The following DEPDC5 variants were observed in gnomAD, a reference collection of about 807,000 sequenced individuals.
DEPDC5 encodes GATOR1 complex protein DEPDC5.
In DEPDC5, 73 loss-of-function variants were observed where a neutral mutation model predicts 217.3. The observed-to-expected ratio is 0.34, with a 90% CI of 0.28 to 0.41. The LOEUF (loss-of-function observed/expected upper bound fraction) is 0.41, where lower values mean the gene tolerates loss of function less well. DEPDC5 is among the 10% of genes least tolerant of loss of function. The pLI is 1.00. For missense variants in DEPDC5, 1,675 were observed against 2,070.1 expected, an observed-to-expected ratio of 0.81 and a Z score of 3.70; for synonymous variants, 733 against 756.7, an observed-to-expected ratio of 0.97 and a Z score of 0.51.
At chr22:31,888,190 C>G (rs1256748919) in intron 38 of DEPDC5, among the ~76,000 whole-genome samples, 1 of 149,154 alleles carries the variant, frequency 6.7e-6, no homozygotes. Flanking sequence ...AGCCCTGCAG[C>G]TCTTAGGCCC....
At chr22:31,879,425 T>C in intron 37 of DEPDC5, 100 bp from the exon 38 acceptor site, 1 of 1,141,320 alleles carries the variant, frequency 8.8e-7, no homozygotes, top group Non-Finnish European at 1.3e-6. Flanking sequence ...CGGCTTCTTT[T>C]ACTTAGCGTG....
At chr22:31,895,962 T>C (rs990860830) in intron 39 of DEPDC5, among the ~76,000 whole-genome samples, 2 of 151,644 alleles carry the variant, frequency 1.3e-5, no homozygotes, top group African/African-American at 4.8e-5. Flanking sequence ...CAGGTAAAAC[T>C]AACTCTCTGA....
intron 19 of DEPDC5, 120 bp downstream of exon 19, chr22:31,809,767 G>A (rs2088031505): frequency 6.1e-6 from 6 of 977,416 alleles, no homozygotes; most frequent in East Asian, 2.8e-5. Flanking sequence ...ATCACCTGAG[G>A]TCAGGAGTTC....
intron 37 of DEPDC5, among the ~76,000 whole-genome samples, chr22:31,877,742 TC>T (rs2093041909): frequency 1.2e-5 from 1 of 84,082 alleles, no homozygotes; most frequent in African/African-American, 5.2e-5. Flanking sequence ...AGAGCGAGAC[TC>T]CATCTCAAAA....
At position 31,849,370 on chromosome 22, in the gene DEPDC5, C is replaced by T. The variant is rs545046127; in HGVS notation, c.3155+2403C>T. On this transcript the variant is annotated intron_variant, in intron 31 of 42. Transcript: ENST00000651528. ...TTAATTGACTCACAGTTCAGCATGG[C>T]TGGGGAGGCCTCAGGAAACTTAAAA... Among the ~76,000 whole-genome samples the T allele has an allele frequency of 5.3e-5, 8 of 152,230 alleles. No homozygotes were observed. The South Asian group carries it at 1.0e-3, about 20-fold the overall frequency.
At chr22:31,816,042 G>C (rs894608520) in intron 21 of DEPDC5, 2 of 984,726 alleles carry the variant, frequency 2.0e-6, no homozygotes, top group African/African-American at 3.5e-5. Flanking sequence ...GCTCACACCT[G>C]TAATTCCAGC....
intron 33 of DEPDC5, among the ~76,000 whole-genome samples, chr22:31,865,479 G>A (rs758920114): frequency 6.6e-6 from 1 of 152,114 alleles, no homozygotes; most frequent in Non-Finnish European, 1.5e-5. Context: ...CCGGGCGACA[G>A]AGCAAGACCT....
chr22:31,882,787 CT>C (rs368718940), intron 38 of DEPDC5, among the ~76,000 whole-genome samples: 155 of 151,660 alleles, frequency 1.0e-3, no homozygotes, highest in Non-Finnish European at 1.2e-3. Context: ...CTCCTCTTCT[CT>C]TCTCTTCTTT....
intron 7 of DEPDC5, among the ~76,000 whole-genome samples, chr22:31,774,090 A>AAAACG (rs1271275080): frequency 2.0e-5 from 3 of 152,048 alleles, no homozygotes; most frequent in Non-Finnish European, 4.4e-5. Flanking sequence ...AAAACAAAAC[A>AAAACG]ACAACAACAA....
intron 38 of DEPDC5, among the ~76,000 whole-genome samples, chr22:31,885,739 AAAAG>A (rs1455998171): frequency 1.4e-5 from 2 of 143,454 alleles, no homozygotes; most frequent in Non-Finnish European, 3.0e-5. Context: ...AAAAAAAAAA[AAAAG>A]AGACAGGGTT....
chr22:31,802,067 A>G (rs2086919385), intron 14 of DEPDC5, among the ~76,000 whole-genome samples: 1 of 148,082 alleles, frequency 6.8e-6, no homozygotes. Context: ...ATATAAAATA[A>G]TATAATCAAA....
chr22:31,810,437 A>G (rs2148706456), intron 19 of DEPDC5, 84 bp from the exon 20 acceptor site: 1 of 1,586,824 alleles, frequency 6.3e-7, no homozygotes, highest in South Asian at 1.1e-5. Context: ...TTTGGATGAC[A>G]ATTTATATTA....
intron 7 of DEPDC5, 165 bp from the exon 8 acceptor site, chr22:31,777,934 G>A (rs1459296276): frequency 1.5e-6 from 1 of 668,782 alleles, no homozygotes; most frequent in Non-Finnish European, 2.6e-6. Context: ...TTTTAGTATA[G>A]ATGGGGTTTC....
chr22:31,759,676 CTTTTT>C (rs35291104), intron 3 of DEPDC5, among the ~76,000 whole-genome samples: 1 of 94,964 alleles, frequency 1.1e-5, no homozygotes. Flanking sequence ...CGCGCCCAGC[CTTTTT>C]TTTTTTTTTT....
chr22:31,792,625 A>AC, intron 11 of DEPDC5, 120 bp from the exon 12 acceptor site: 1 of 620,068 alleles, frequency 1.6e-6, no homozygotes, highest in East Asian at 4.7e-5. Context: ...AAAAAAAAAA[A>AC]AAAAAAAGAC....
At chr22:31,795,734 CTT>C (rs966638640) in intron 12 of DEPDC5, among the ~76,000 whole-genome samples, 16 of 141,266 alleles carry the variant, frequency 1.1e-4, no homozygotes, top group Non-Finnish European at 1.2e-4. Context: ...CTTTCATTTC[CTT>C]TTTTTTTTTT....
intron 38 of DEPDC5, among the ~76,000 whole-genome samples, chr22:31,881,316 G>T (rs1264541481): frequency 1.3e-5 from 2 of 150,366 alleles, no homozygotes; most frequent in East Asian, 3.9e-4. Context: ...AAAGTTTTCA[G>T]ATCCTCAGAT....
chr22:31,881,093 C>G (rs1451450089), intron 38 of DEPDC5, among the ~76,000 whole-genome samples: 2 of 151,538 alleles, frequency 1.3e-5, no homozygotes, highest in African/African-American at 4.8e-5. Flanking sequence ...GGTGGATCAC[C>G]TGAGGTCAAG....
chr22:31,838,817 G>A lies in DEPDC5; in HGVS notation c.2487G>A (p.Pro829=), dbSNP rs375697412. ...AACCCAATCCTGCTGTCCCGCCCCC[G>A]CTGAGCAGTAGCCCACTCTATAGCC... is the stretch of plus-strand genomic sequence containing the variant. The part of the protein sequence containing the change: ...TQKPNPAVPP[P]LSSSPLYSRG... The change falls in exon 27 of 43, where the codon CCG becomes CCA. Residue 829 remains proline, a synonymous_variant. Coordinates refer to ENST00000651528, the MANE Select transcript of DEPDC5 (RefSeq NM_001242896.3). 4.1e-5 allele frequency: 66 copies of A among 1,613,868 alleles called. No homozygotes were observed. Among genetic ancestry groups the A allele is most frequent in the Non-Finnish European group, 4.8e-5 (57 of 1,179,928 alleles).
Sources: allele counts gnomAD v4.1 joint callset (sites outside exome capture counted in the v4.1 genomes callset), GRCh38; gene constraint gnomAD v4.1.1; transcripts MANE v1.5; gene names NCBI Gene and HGNC (gene_info 2026-07-23, HGNC 2026-07-21).